The following DENND2A variants were observed in gnomAD, a reference collection of about 807,000 sequenced individuals.
The protein encoded by DENND2A is DENN domain containing 2A.
DENND2A carries 53 observed loss-of-function variants against 105.3 expected under a neutral mutation model. That is an observed-to-expected ratio of 0.50 (90% CI 0.40 to 0.63). DENND2A has a LOEUF of 0.63. DENND2A is among the 30% of genes least tolerant of loss of function. The probability of loss-of-function intolerance (pLI) is 0.00; values close to 1 mark genes in which losing one functional copy is unlikely to be tolerated. For missense variants in DENND2A, 1,138 were observed against 1,279.6 expected, an observed-to-expected ratio of 0.89 and a Z score of 1.69; for synonymous variants, 522 against 508.4, an observed-to-expected ratio of 1.03 and a Z score of -0.36.
At chr7:140,615,701 C>CTA (rs1270677400) in intron 1 of DENND2A, among the ~76,000 whole-genome samples, 6 of 149,132 alleles carry the variant, frequency 4.0e-5, no homozygotes, top group Non-Finnish European at 8.8e-5. Context: ...CCCTGTCCGG[C>CTA]TATTTTTTTT....
At chr7:140,539,482 G>C (rs1194752256) in intron 14 of DENND2A, among the ~76,000 whole-genome samples, 1 of 152,212 alleles carries the variant, frequency 6.6e-6, no homozygotes, top group Non-Finnish European at 1.5e-5. Context: ...GTGCTAGGGA[G>C]ACTTTCCTTA....
At chr7:140,630,177 C>T (rs1800684096) in intron 1 of DENND2A, among the ~76,000 whole-genome samples, 1 of 151,860 alleles carries the variant, frequency 6.6e-6, no homozygotes, top group African/African-American at 2.4e-5. Context: ...GTGGCACCAT[C>T]GCGGCTCACT....
intron 11 of DENND2A, 59 bp from the exon 12 acceptor site, chr7:140,555,772 AC>A (rs1797341462): frequency 6.8e-7 from 1 of 1,474,016 alleles, no homozygotes; most frequent in Non-Finnish European, 9.2e-7. Flanking sequence ...GAAGAAAGGA[AC>A]CCACATGTTT....
At chr7:140,556,009 C>CT (rs1797350884) in intron 11 of DENND2A, among the ~76,000 whole-genome samples, 2 of 151,994 alleles carry the variant, frequency 1.3e-5, no homozygotes, top group African/African-American at 4.8e-5. Context: ...AATCTCAATA[C>CT]TTTTTTTGTT....
rs140714866 is a variant in DENND2A at position 140,577,808 on chromosome 7, A to G, written c.1246-3800T>C. Among the ~76,000 whole-genome samples, 190 of 152,350 alleles carry G rather than the reference A, an allele frequency of 1.2e-3. 3 individuals are homozygous for G. Among genetic ancestry groups the G allele is most frequent in the African/African-American group, 4.1e-3 (171 of 41,592 alleles). On this transcript the variant is annotated intron_variant, in intron 5 of 19. Coordinates refer to ENST00000496613, the MANE Select transcript of DENND2A (RefSeq NM_015689.5). ...TAGTATAAAAGCAGCTGTAGATAAT[A>G]CGTAAATGAATGCACCTGGCTGTGT...
intron 1 of DENND2A, among the ~76,000 whole-genome samples, chr7:140,622,456 A>G (rs1800329577): frequency 1.3e-5 from 2 of 152,284 alleles, no homozygotes; most frequent in South Asian, 2.1e-4. Flanking sequence ...CAAGAATAGT[A>G]CAGAAAATTT....
chr7:140,629,506 C>T (rs781065421), intron 1 of DENND2A, among the ~76,000 whole-genome samples: 2 of 152,092 alleles, frequency 1.3e-5, no homozygotes, highest in East Asian at 1.9e-4. Context: ...AGGGAGAAGA[C>T]GGACCCGGCA....
intron 8 of DENND2A, 67 bp from the exon 9 acceptor site, chr7:140,567,340 G>GAGAGAC (rs1289973753): frequency 1.4e-5 from 18 of 1,279,998 alleles, no homozygotes; most frequent in Non-Finnish European, 1.5e-5. Context: ...GAGAGAGAGA[G>GAGAGAC]AGAGACAGAG....
intron 2 of DENND2A, among the ~76,000 whole-genome samples, chr7:140,603,285 CAAAAAT>C (rs773523088): frequency 2.6e-5 from 4 of 151,954 alleles, no homozygotes; most frequent in Non-Finnish European, 2.9e-5. Flanking sequence ...GACTCTGTCT[CAAAAAT>C]AAAAATAAAA....
intron 1 of DENND2A, among the ~76,000 whole-genome samples, chr7:140,632,838 T>C (rs982534369): frequency 6.7e-6 from 1 of 148,706 alleles, no homozygotes; most frequent in South Asian, 2.1e-4. Context: ...GTGTTGGGGT[T>C]ACAGGCATGA....
chr7:140,573,949 C>A lies in DENND2A; in HGVS notation c.1305G>T (p.Leu435=), dbSNP rs771441073. 1.9e-6 allele frequency: 3 copies of A among 1,614,048 alleles called. No individual in the cohort carries two copies. Among genetic ancestry groups the A allele is most frequent in the African/African-American group, 1.3e-5 (1 of 74,914 alleles). ...CCCGACTCAGCTTCCTAGTGTCCAG[C>A]AGCTTGAAGTTCCTCCTCTCTGAAT... The part of the protein sequence containing the change: ...RQNSERRNFK[L]LDTRKLSRDG... Residue 435 remains leucine (L), a synonymous_variant, in exon 6 of 20, where the codon CTG becomes CTT. Transcript: ENST00000496613.
At chr7:140,597,367 G>C (rs748512471) in intron 3 of DENND2A, among the ~76,000 whole-genome samples, 2 of 152,156 alleles carry the variant, frequency 1.3e-5, no homozygotes, top group African/African-American at 2.4e-5. Context: ...AGGGTGGTGC[G>C]TCTGCCAAAT....
At chr7:140,598,291 C>G (rs1176526936) in intron 3 of DENND2A, among the ~76,000 whole-genome samples, 1 of 152,062 alleles carries the variant, frequency 6.6e-6, no homozygotes, top group East Asian at 1.9e-4. Flanking sequence ...TTTTAAAACT[C>G]TAAGTGAAAA....
chr7:140,566,078 A>T (rs941401556), intron 9 of DENND2A, among the ~76,000 whole-genome samples: 2 of 152,140 alleles, frequency 1.3e-5, no homozygotes, highest in Admixed American at 1.3e-4. Flanking sequence ...CCATTCTTTC[A>T]TTCCTTTACT....
chr7:140,602,509 G>C lies in DENND2A; in HGVS notation c.-112C>G. ...AGGACTAAAGTGGATGCCTTCGAGG[G>C]TCTTTCTCAGTCCTTGGACCTTCCA... On this transcript the variant is annotated 5_prime_UTR_variant, in exon 3 of 20. Transcript: ENST00000496613. The C allele has an allele frequency of 8.4e-7, 1 of 1,184,308 alleles. No homozygotes were observed. The highest frequency in any genetic ancestry group is 1.1e-6 in the Non-Finnish European group (1 of 877,712). The allele number at this position is 1,184,308 out of a possible 1,614,324, so 73.4% of individuals were successfully genotyped here.
chr7:140,528,432 G>T (rs1796139302), intron 14 of DENND2A, among the ~76,000 whole-genome samples: 1 of 152,140 alleles, frequency 6.6e-6, no homozygotes, highest in South Asian at 2.1e-4. Context: ...CTCATATACA[G>T]TTGAGCCTTA....
chr7:140,581,645 C>T (rs556047877), intron 5 of DENND2A, among the ~76,000 whole-genome samples: 1 of 152,292 alleles, frequency 6.6e-6, no homozygotes, highest in Admixed American at 6.5e-5. Context: ...TAGAACAGGG[C>T]ACACAGCAGA....
chr7:140,565,459 T>C (rs533475309), intron 9 of DENND2A, among the ~76,000 whole-genome samples: 1 of 152,324 alleles, frequency 6.6e-6, no homozygotes, highest in East Asian at 1.9e-4. Flanking sequence ...GAATGCAATA[T>C]ATTCTTAGTA....
At chr7:140,532,070 C>G (rs2130483463) in intron 14 of DENND2A, among the ~76,000 whole-genome samples, 1 of 152,152 alleles carries the variant, frequency 6.6e-6, no homozygotes, top group Non-Finnish European at 1.5e-5. Flanking sequence ...CGAGATCAGC[C>G]TGGCCAACAT....
Sources: allele counts gnomAD v4.1 joint callset (sites outside exome capture counted in the v4.1 genomes callset), GRCh38; gene constraint gnomAD v4.1.1; transcripts MANE v1.5; gene names NCBI Gene and HGNC (gene_info 2026-07-23, HGNC 2026-07-21).